The following GPHN variants were observed in gnomAD, a reference collection of about 807,000 sequenced individuals.
The protein encoded by GPHN is gephyrin.
Under a neutral mutation model 95.5 loss-of-function variants are expected in GPHN, and 17 were observed. That is an observed-to-expected ratio of 0.18 (90% CI 0.12 to 0.27). GPHN has a LOEUF of 0.27. GPHN is among the 10% of genes least tolerant of loss of function. The pLI, the probability that GPHN is intolerant of heterozygous loss-of-function variation, is 1.00. For missense variants in GPHN, 660 were observed against 978.1 expected (o/e 0.67, Z 4.34); for synonymous variants, 320 against 322.5 (o/e 0.99, Z 0.08).
intron 21 of GPHN, among the ~76,000 whole-genome samples, chr14:67,174,445 G>GT (rs2082797728): frequency 6.6e-6 from 1 of 152,150 alleles, no homozygotes; most frequent in Non-Finnish European, 1.5e-5. Flanking sequence ...ATTCCATGGT[G>GT]TATATGTGCC....
the GPHN span, among the ~76,000 whole-genome samples, chr14:67,534,678 G>C: frequency 6.6e-6 from 1 of 152,082 alleles, no homozygotes; most frequent in African/African-American, 2.4e-5. Context: ...TGCAGCCTGT[G>C]GCCCCAAACT....
chr14:66,613,245 A>G (rs998176395), intron 1 of GPHN, among the ~76,000 whole-genome samples: 1 of 152,052 alleles, frequency 6.6e-6, no homozygotes, highest in Non-Finnish European at 1.5e-5. Flanking sequence ...TTGTTGTTTC[A>G]TTAACATTGA....
At chr14:67,436,699 C>G in the GPHN span, among the ~76,000 whole-genome samples, 1 of 152,186 alleles carries the variant, frequency 6.6e-6, no homozygotes, top group Non-Finnish European at 1.5e-5. Context: ...GAGCAGGTTC[C>G]CAGACCTCTG....
chr14:67,223,294 C>T, the GPHN span, among the ~76,000 whole-genome samples: 1 of 152,150 alleles, frequency 6.6e-6, no homozygotes, highest in East Asian at 1.9e-4. Flanking sequence ...GCCACTGCGC[C>T]TGGCCCCCAT....
the GPHN span, among the ~76,000 whole-genome samples, chr14:67,446,575 C>T: frequency 6.6e-6 from 1 of 152,146 alleles, no homozygotes; most frequent in Non-Finnish European, 1.5e-5. Flanking sequence ...CTGGCTTCTC[C>T]CCAGAATGTC....
the GPHN span, among the ~76,000 whole-genome samples, chr14:67,408,055 G>A: frequency 2.0e-5 from 3 of 152,074 alleles, no homozygotes; most frequent in African/African-American, 7.2e-5. Context: ...TGGGAGGCCA[G>A]GTGGGTGGAT....
intron 9 of GPHN, among the ~76,000 whole-genome samples, chr14:67,009,951 G>C (rs1356686898): frequency 6.6e-6 from 1 of 151,634 alleles, no homozygotes; most frequent in Non-Finnish European, 1.5e-5. Flanking sequence ...TAGAGATGGG[G>C]TTTCACCATG....
chr14:66,983,709 G>T (rs1478980481), intron 9 of GPHN, among the ~76,000 whole-genome samples: 1 of 151,982 alleles, frequency 6.6e-6, no homozygotes, highest in Non-Finnish European at 1.5e-5. Context: ...AGAGTTTAGT[G>T]GTAACTGTCT....
At chr14:67,347,097 C>T in the GPHN span, among the ~76,000 whole-genome samples, 10 of 152,182 alleles carry the variant, frequency 6.6e-5, no homozygotes, top group Non-Finnish European at 1.5e-4. Flanking sequence ...AATCCTCCCT[C>T]CTCAGCCCTG....
intron 8 of GPHN, among the ~76,000 whole-genome samples, chr14:66,964,906 A>G (rs772657175): frequency 6.6e-6 from 1 of 152,224 alleles, no homozygotes; most frequent in Non-Finnish European, 1.5e-5. Context: ...CAAACTATTA[A>G]ATGGCATAGC....
At chr14:67,228,304 G>A in the GPHN span, 1 of 409,508 alleles carries the variant, frequency 2.4e-6, no homozygotes, top group African/African-American at 2.2e-5. Flanking sequence ...AATTTTGTTT[G>A]TTTCAATCAT....
At chr14:66,529,685 C>G (rs2058834105) in intron 1 of GPHN, among the ~76,000 whole-genome samples, 1 of 152,078 alleles carries the variant, frequency 6.6e-6, no homozygotes, top group Non-Finnish European at 1.5e-5. Flanking sequence ...TGATGCTATC[C>G]CTTTCTGTTT....
the GPHN span, among the ~76,000 whole-genome samples, chr14:67,234,550 T>A: frequency 6.6e-6 from 1 of 152,068 alleles, no homozygotes; most frequent in Non-Finnish European, 1.5e-5. Context: ...AGAGTTCCAC[T>A]CTTTGCTTGT....
intron 3 of GPHN, among the ~76,000 whole-genome samples, chr14:66,806,816 T>C (rs2060562059): frequency 6.6e-6 from 1 of 152,206 alleles, no homozygotes; most frequent in Admixed American, 6.5e-5. Flanking sequence ...TCCACAAGTC[T>C]TTAGGAAGTT....
intron 1 of GPHN, among the ~76,000 whole-genome samples, chr14:66,513,184 A>C (rs2058106519): frequency 6.6e-6 from 1 of 151,812 alleles, no homozygotes; most frequent in Non-Finnish European, 1.5e-5. Context: ...GACTTGAAAA[A>C]GTATTAGTTG....
chr14:67,390,499 G>A, the GPHN span, among the ~76,000 whole-genome samples: 660 of 152,336 alleles, frequency 4.3e-3, 3 homozygotes, highest in Non-Finnish European at 7.8e-3. Flanking sequence ...TGTGATGACA[G>A]GGCAGAGCAG....
chr14:67,572,468 A>G, the GPHN span, among the ~76,000 whole-genome samples: 1 of 152,162 alleles, frequency 6.6e-6, no homozygotes, highest in African/African-American at 2.4e-5. Context: ...CAAGGAAGGA[A>G]GGAGGGAGCC....
the GPHN span, chr14:67,692,858 C>A: frequency 8.0e-5 from 89 of 1,115,614 alleles, no homozygotes; most frequent in Non-Finnish European, 9.8e-5. Context: ...TGGGAAGAAA[C>A]AATGAGAATG....
At chr14:67,583,859 A>C in the GPHN span, 1 of 1,613,622 alleles carries the variant, frequency 6.2e-7, no homozygotes, top group Non-Finnish European at 8.5e-7. Flanking sequence ...CGCTATAGAC[A>C]TGGGGCCCCC....
Sources: allele counts gnomAD v4.1 joint callset (sites outside exome capture counted in the v4.1 genomes callset), GRCh38; gene constraint gnomAD v4.1.1; transcripts MANE v1.5; gene names NCBI Gene and HGNC (gene_info 2026-07-23, HGNC 2026-07-21).